Variants in DPP8 observed in about 807,000 individuals in gnomAD.
DPP8 encodes the protein DPP VIII.
A neutral mutation model predicts 107.5 loss-of-function variants in DPP8; 31 were observed. The observed-to-expected ratio is 0.29, with a 90% CI of 0.22 to 0.39. The LOEUF is 0.39. DPP8 is among the 10% of genes least tolerant of loss of function. The probability of loss-of-function intolerance (pLI) is 1.00; values close to 1 mark genes in which losing one functional copy is unlikely to be tolerated. For synonymous variants in DPP8, 381 were observed against 356.6 expected (o/e 1.07, Z -0.77); for missense variants, 842 against 1,076.1 (o/e 0.78, Z 3.04).
chr15:65,495,703 A>C (rs2068516024), intron 5 of DPP8, among the ~76,000 whole-genome samples: 1 of 151,790 alleles, frequency 6.6e-6, no homozygotes, highest in African/African-American at 2.4e-5. Context: ...GATTGAGAAC[A>C]CCCTGGCCAA....
At chr15:65,504,893 T>C (rs1049943112) in intron 3 of DPP8, among the ~76,000 whole-genome samples, 6 of 150,136 alleles carry the variant, frequency 4.0e-5, no homozygotes, top group Non-Finnish European at 7.4e-5. Context: ...TGAGGCAGGA[T>C]TGCCTGAGCT....
chr15:65,463,267 G>A (rs903948812), intron 15 of DPP8, among the ~76,000 whole-genome samples: 3 of 152,130 alleles, frequency 2.0e-5, no homozygotes, highest in African/African-American at 7.2e-5. Context: ...GGCAGGGCAC[G>A]GTGGCTCACG....
intron 19 of DPP8, among the ~76,000 whole-genome samples, chr15:65,448,547 C>T (rs531672022): frequency 2.6e-3 from 393 of 150,518 alleles, no homozygotes; most frequent in Non-Finnish European, 4.2e-3. Flanking sequence ...TGGCGGGCAC[C>T]GGTAGTCCCA....
At chr15:65,499,365 T>C (rs2068957697) in intron 4 of DPP8, among the ~76,000 whole-genome samples, 1 of 151,854 alleles carries the variant, frequency 6.6e-6, no homozygotes, top group South Asian at 2.1e-4. Flanking sequence ...CCCGAGTAGC[T>C]AGGACTACAG....
In DPP8 at chr15:65,512,704, A is replaced by C; in HGVS notation, c.-11-140T>G. The C allele has an allele frequency of 1.3e-5, 10 of 776,166 alleles. No individual in the cohort carries two copies. The South Asian group carries it at 1.8e-4, about 14-fold the overall frequency. The allele number at this position is 776,166 out of a possible 1,614,324, so 48.1% of individuals were successfully genotyped here. A position where few individuals can be genotyped will look rare whatever the true frequency, so the allele number is the denominator to read the frequency against. ...TTTTAGCACAGCTGCAATGAAACTTAGTAAGAAAAGCAACAGCTCTCCCTT... is the reference window on the plus strand; with the variant it reads ...TTTTAGCACAGCTGCAATGAAACTTCGTAAGAAAAGCAACAGCTCTCCCTT... On this transcript the variant is annotated intron_variant, in intron 1 of 19. Coordinates refer to ENST00000300141, the MANE Select transcript of DPP8 (RefSeq NM_130434.5).
At chr15:65,516,416 T>C (rs1410261877) in intron 1 of DPP8, 3 of 152,168 alleles carry the variant, frequency 2.0e-5, no homozygotes, top group Non-Finnish European at 2.9e-5. Flanking sequence ...ATTAAACTTG[T>C]TGAAATTCTG....
Position 65,451,099 on chromosome 15 carries a change from A to G in DPP8, c.2426T>C (p.Leu809Ser). The G allele has an allele frequency of 6.2e-7, 1 of 1,608,580 alleles. No individual in the cohort carries two copies. The highest frequency in any genetic ancestry group is 8.5e-7 in the Non-Finnish European group (1 of 1,175,658). Residue 809 changes from leucine (L) to serine (S), a missense_variant, in exon 19 of 20, where the codon TTA (leucine) becomes TCA (serine). Leu to Ser is a moderately radical substitution (Grantham distance 145). Coordinates refer to ENST00000300141, the MANE Select transcript of DPP8 (RefSeq NM_130434.5). ...AEKFPSEPNR[L>S]LLLHGFLDEN... The stretch of plus-strand genomic sequence containing the variant: ...ATCCAGGAAACCATGTAAGAGCAGT[A>G]AACGATTTGGTCTGGAGAAATGGAA...
At chr15:65,462,507 C>T (rs1334838881) in intron 15 of DPP8, among the ~76,000 whole-genome samples, 2 of 152,048 alleles carry the variant, frequency 1.3e-5, no homozygotes, top group Non-Finnish European at 2.9e-5. Flanking sequence ...ATTTTAATTT[C>T]TTCCAAGGCT....
chr15:65,463,341 C>A (rs111551214), intron 15 of DPP8, among the ~76,000 whole-genome samples: 3,091 of 152,178 alleles, frequency 0.02, 121 homozygotes, highest in African/African-American at 0.069. Context: ...GAGTTGGAGA[C>A]CAGCCTGACC....
intron 19 of DPP8, among the ~76,000 whole-genome samples, chr15:65,447,315 C>T (rs1352367293): frequency 6.6e-6 from 1 of 152,134 alleles, no homozygotes; most frequent in African/African-American, 2.4e-5. Context: ...TAGAACAACA[C>T]AAAGACATTA....
intron 15 of DPP8, among the ~76,000 whole-genome samples, chr15:65,459,721 G>A (rs939553442): frequency 6.7e-4 from 102 of 152,142 alleles, no homozygotes; most frequent in African/African-American, 2.4e-3. Context: ...TTGGGAGGCC[G>A]AGGTGGGTAG....
Position 65,456,296 on chromosome 15 carries a change from C to T in DPP8, c.2047G>A (p.Val683Ile), listed in dbSNP as rs367907688. 1 of 1,613,950 alleles carries T rather than the reference C, an allele frequency of 6.2e-7. No individual in the cohort carries two copies. The highest frequency in any genetic ancestry group is 8.5e-7 in the Non-Finnish European group (1 of 1,180,002). Residue 683 changes from valine (V) to isoleucine (I), a missense_variant, in exon 16 of 20, where the codon GTT becomes ATT. By Grantham distance (29) the Val-to-Ile change is conservative (BLOSUM62 3). Around this residue, in one of 2 missense-constraint regions of DPP8, gnomAD observed 179 missense variants for 318.0 expected, o/e 0.56. Coordinates refer to ENST00000300141, the MANE Select transcript of DPP8 (RefSeq NM_130434.5). ...LNTLASLGYVVVVIDNRGSCH... is the reference protein window; with the variant it reads ...LNTLASLGYVIVVIDNRGSCH... ...GATCCCCTGTTGTCTATCACTACAA[C>T]CACATAACCTAGAGAGGCTAGGGTA...
At position 65,498,812 on chromosome 15, in the gene DPP8, G is replaced by A. The variant is rs147248378; in HGVS notation, c.547-780C>T. On this transcript the variant is annotated intron_variant, in intron 4 of 19. Transcript: ENST00000300141. ...GGATAAAACCAAACATAAGCCACTT[G>A]AGAGGCTAAGGCAAGAGGATCACTT... 7.5e-3 allele frequency among the ~76,000 whole-genome samples: 1,146 copies of A among 152,188 alleles called. 14 individuals are homozygous for A. The highest frequency in any genetic ancestry group is 0.026 in the African/African-American group (1,094 of 41,524).
chr15:65,496,226 G>A (rs2068587814), intron 5 of DPP8, among the ~76,000 whole-genome samples: 1 of 152,034 alleles, frequency 6.6e-6, no homozygotes, highest in South Asian at 2.1e-4. Context: ...CTCGTGATCT[G>A]CCCGCCTCGG....
At chr15:65,456,028 C>G (rs1450541575) in intron 16 of DPP8, among the ~76,000 whole-genome samples, 197 bp downstream of exon 16, 1 of 152,168 alleles carries the variant, frequency 6.6e-6, no homozygotes, top group Non-Finnish European at 1.5e-5. Context: ...GTGGCTCTAT[C>G]TCAGTTCCCC....
rs375029248 is a variant in DPP8 at position 65,480,318 on chromosome 15, T to C, written c.1200A>G (p.Glu400=). 1 of 1,613,772 alleles carries C rather than the reference T, an allele frequency of 6.2e-7. No individual in the cohort carries two copies. The highest frequency in any genetic ancestry group is 8.5e-7 in the Non-Finnish European group (1 of 1,179,908). Residue 400 remains glutamate (E), a synonymous_variant, in exon 10 of 20, where the codon GAA becomes GAG. Transcript: ENST00000300141. ...GTCTCTGCCTTTCCATAACATCATCTTCTACTGGGATAAATAATTCAGGTG... is the reference window on the plus strand; with the variant it reads ...GTCTCTGCCTTTCCATAACATCATCCTCTACTGGGATAAATAATTCAGGTG... ...LISPELFIPV[E]DDVMERQRLI... is the part of the protein sequence containing the mutation.
chr15:65,462,264 C>T (rs1261131611), intron 15 of DPP8, among the ~76,000 whole-genome samples: 6 of 152,082 alleles, frequency 3.9e-5, no homozygotes, highest in African/African-American at 1.2e-4. Flanking sequence ...CCACAGCGCC[C>T]GGCTAACTCT....
chr15:65,448,836 T>C (rs1416926669), intron 19 of DPP8, among the ~76,000 whole-genome samples: 1 of 125,856 alleles, frequency 7.9e-6, no homozygotes, highest in Non-Finnish European at 1.7e-5. Flanking sequence ...TATACATATA[T>C]AATATATAAA....
At chr15:65,496,905 TTTGAGACAGGGTC>T (rs891462808) in intron 5 of DPP8, among the ~76,000 whole-genome samples, 3 of 152,100 alleles carry the variant, frequency 2.0e-5, no homozygotes, top group African/African-American at 7.2e-5. Flanking sequence ...GTTTTATTTT[TTTGAGACAGGGTC>T]TTGCTCTCTT....
Sources: allele counts gnomAD v4.1 joint callset (sites outside exome capture counted in the v4.1 genomes callset), GRCh38; gene constraint gnomAD v4.1.1; regional missense constraint gnomAD v4.1.1; transcripts MANE v1.5; gene names NCBI Gene and HGNC (gene_info 2026-07-23, HGNC 2026-07-21).